The following SAMD12 variants were observed in gnomAD, a reference collection of about 807,000 sequenced individuals.
The protein encoded by SAMD12 is sterile alpha motif domain containing 12, also known as sterile alpha motif domain-containing protein 12.
In SAMD12, 9 loss-of-function variants were observed where a neutral mutation model predicts 15.0. The ratio of observed to expected loss-of-function variants is 0.60; its 90% CI spans 0.36 to 1.05. The LOEUF (loss-of-function observed/expected upper bound fraction) is 1.05. Among genes scored for constraint, SAMD12 ranks in the 50% least tolerant of loss-of-function variants. SAMD12 has a pLI of 0.01. For synonymous variants in SAMD12, 86 were observed against 90.1 expected (o/e 0.96, Z 0.25); for missense variants, 230 against 234.2 (o/e 0.98, Z 0.12).
intron 4 of SAMD12, among the ~76,000 whole-genome samples, chr8:118,220,136 C>A (rs1347147324): frequency 6.6e-6 from 1 of 152,128 alleles, no homozygotes; most frequent in Non-Finnish European, 1.5e-5. Flanking sequence ...GTGGGACCAA[C>A]CTGGGAGTTC....
chr8:118,605,237 GC>G (rs974179225), intron 1 of SAMD12, among the ~76,000 whole-genome samples: 1 of 152,148 alleles, frequency 6.6e-6, no homozygotes, highest in African/African-American at 2.4e-5. Context: ...GTAATTTGTT[GC>G]TTTCTCAAGT....
At chr8:118,560,881 T>C (rs554068216) in intron 2 of SAMD12, among the ~76,000 whole-genome samples, 101 of 152,294 alleles carry the variant, frequency 6.6e-4, no homozygotes, top group Middle Eastern at 3.4e-3. Flanking sequence ...CTTATTGTTT[T>C]AGAAAGAGAC....
intron 3 of SAMD12, among the ~76,000 whole-genome samples, chr8:118,430,723 C>T (rs575022962): frequency 1.3e-5 from 2 of 152,230 alleles, no homozygotes; most frequent in South Asian, 2.1e-4. Context: ...CTCAATATAA[C>T]TACTATAAGA....
intron 4 of SAMD12, among the ~76,000 whole-genome samples, chr8:118,344,718 TTA>T (rs1817547286): frequency 6.6e-6 from 1 of 152,212 alleles, no homozygotes; most frequent in Non-Finnish European, 1.5e-5. Context: ...GGGACTTGTT[TTA>T]TTCTCTTTGG....
chr8:118,533,754 A>G (rs554900889), intron 2 of SAMD12, among the ~76,000 whole-genome samples: 11 of 151,560 alleles, frequency 7.3e-5, no homozygotes, highest in African/African-American at 2.2e-4. Flanking sequence ...CAGAGACTAG[A>G]ATTGCAACCC....
chr8:118,338,005 G>A (rs1240688345), intron 4 of SAMD12, among the ~76,000 whole-genome samples: 1 of 152,162 alleles, frequency 6.6e-6, no homozygotes, highest in Non-Finnish European at 1.5e-5. Context: ...CAGGGGTCTT[G>A]GAAGGTATCC....
At chr8:118,337,292 C>T (rs7830032) in intron 4 of SAMD12, among the ~76,000 whole-genome samples, 42,339 of 151,878 alleles carry the variant, frequency 0.28, 6,253 homozygotes, top group African/African-American at 0.37. Context: ...TAATCCATGT[C>T]ACACGCCAGC....
chr8:118,462,022 G>C (rs74499202), intron 2 of SAMD12, among the ~76,000 whole-genome samples: 4,461 of 152,232 alleles, frequency 0.029, 192 homozygotes, highest in African/African-American at 0.1. Flanking sequence ...TGTCCATAAG[G>C]ACTTACTAAA....
chr8:118,445,509 C>G (rs1446994469), intron 2 of SAMD12, among the ~76,000 whole-genome samples: 1 of 152,088 alleles, frequency 6.6e-6, no homozygotes, highest in East Asian at 1.9e-4. Context: ...GGGAAGACAT[C>G]TCATGGCCAG....
chr8:118,454,131 G>T (rs1823167545), intron 2 of SAMD12, among the ~76,000 whole-genome samples: 1 of 152,126 alleles, frequency 6.6e-6, no homozygotes, highest in Admixed American at 6.5e-5. Flanking sequence ...AACTTCCTAA[G>T]AAATGGTTTT....
intron 4 of SAMD12, among the ~76,000 whole-genome samples, chr8:118,292,349 G>GACACACCCACACACACACACAC (rs1814426348): frequency 7.3e-6 from 1 of 137,624 alleles, no homozygotes; most frequent in Admixed American, 7.3e-5. Context: ...CAAACACACA[G>GACACACCCACACACACACACAC]ACACACACAC....
chr8:118,308,984 T>C (rs572487737), intron 4 of SAMD12, among the ~76,000 whole-genome samples: 52 of 152,296 alleles, frequency 3.4e-4, no homozygotes, highest in Middle Eastern at 3.4e-3. Flanking sequence ...TCTTGATTCC[T>C]AAATCTTTTA....
In SAMD12 at chr8:118,323,865, C is replaced by T. The variant is rs182211307; in HGVS notation, c.433+55695G>A. ...GTACAACACAACATCACTGGCAATA[C>T]TTGTTTGCACAGGGGAAACCTTTAA... On this transcript the variant is annotated intron_variant, in intron 4 of 4. Coordinates refer to the SAMD12 transcript ENST00000409003. Among the ~76,000 whole-genome samples the T allele has an allele frequency of 8.0e-4, 122 of 152,164 alleles. 1 individual carries two copies. Among genetic ancestry groups the T allele is most frequent in the African/African-American group, 9.1e-4 (38 of 41,552 alleles).
At chr8:118,579,790 G>T (rs768664241) in intron 2 of SAMD12, among the ~76,000 whole-genome samples, 6 of 152,124 alleles carry the variant, frequency 3.9e-5, no homozygotes, top group Non-Finnish European at 8.8e-5. Context: ...CACAAAGGGA[G>T]AAACAAAACT....
In SAMD12 at chr8:118,454,003, C is replaced by G. The variant is rs147320650; in HGVS notation, c.193-14042G>C. ...CAGACCTGCTACAAAGGGGCCATTA[C>G]ATATTTTCCTCCATTGCTGCCCTGG... On this transcript the variant is annotated intron_variant, in intron 2 of 3. Coordinates refer to ENST00000314727, the MANE Select transcript of SAMD12 (RefSeq NM_207506.3). 6.2e-4 allele frequency among the ~76,000 whole-genome samples: 94 copies of G among 152,278 alleles called. 1 individual carries two copies. The highest frequency in any genetic ancestry group is 2.1e-3 in the African/African-American group (87 of 41,556).
intron 1 of SAMD12, among the ~76,000 whole-genome samples, chr8:118,614,281 T>A (rs933770497): frequency 6.6e-6 from 1 of 152,168 alleles, no homozygotes; most frequent in Non-Finnish European, 1.5e-5. Flanking sequence ...TTATACTAAT[T>A]TAACCTTCTC....
chr8:118,345,890 CAT>C (rs1817613769), intron 4 of SAMD12, among the ~76,000 whole-genome samples: 1 of 152,104 alleles, frequency 6.6e-6, no homozygotes, highest in Non-Finnish European at 1.5e-5. Flanking sequence ...CTGGAAAACA[CAT>C]AAAAGGAAGA....
chr8:118,618,229 T>C lies in SAMD12; in HGVS notation c.13+3575A>G, dbSNP rs117786103. Among the ~76,000 whole-genome samples the C allele has an allele frequency of 6.2e-4, 95 of 152,192 alleles. 1 individual carries two copies. The highest frequency in any genetic ancestry group is 2.6e-3 in the Admixed American group (40 of 15,292). On this transcript the variant is annotated intron_variant, in intron 1 of 3. Transcript: ENST00000314727. ...AGAAGAAAACATAACACAGGGTAGT[T>C]ACAAAACAATAAACAAAGGGCACCT...
At chr8:118,216,377 G>A (rs1298020753) in intron 4 of SAMD12, among the ~76,000 whole-genome samples, 1 of 151,592 alleles carries the variant, frequency 6.6e-6, no homozygotes, top group Admixed American at 6.6e-5. Context: ...TGTCAGATGA[G>A]TAGGTTGCGA....
Sources: allele counts gnomAD v4.1 joint callset (sites outside exome capture counted in the v4.1 genomes callset), GRCh38; gene constraint gnomAD v4.1.1; transcripts MANE v1.5; gene names NCBI Gene and HGNC (gene_info 2026-07-23, HGNC 2026-07-21).